Variants in ASNSD1 observed in about 807,000 individuals in gnomAD.
ASNSD1 encodes the protein asparagine synthetase domain-containing protein 1.
In ASNSD1, 36 loss-of-function variants were observed where a neutral mutation model predicts 48.3. The ratio of observed to expected loss-of-function variants is 0.75; its 90% CI spans 0.57 to 0.99. The LOEUF (loss-of-function observed/expected upper bound fraction) is 0.99. ASNSD1 is among the 50% of genes least tolerant of loss of function. The pLI is 0.00. For missense variants in ASNSD1, 714 were observed against 758.2 expected (o/e 0.94, Z 0.69); for synonymous variants, 257 against 262.1 (o/e 0.98, Z 0.19).
At position 189,667,354 on chromosome 2, in the gene ASNSD1, A is replaced by T. The variant is rs2032832348; in HGVS notation, c.1222A>T (p.Thr408Ser). 1 of 1,614,084 alleles carries T rather than the reference A, an allele frequency of 6.2e-7. No homozygotes were observed. The highest frequency in any genetic ancestry group is 1.3e-5 in the African/African-American group (1 of 74,938). ...NKHVSVPDRITGRAGLKELQA... is the reference protein window; with the variant it reads ...NKHVSVPDRISGRAGLKELQA... The stretch of plus-strand genomic sequence containing the variant: ...ACATGTCAGTGTACCAGATCGAATC[A>T]CAGGAAGGGCGGGACTAAAGGAACT... Residue 408 changes from threonine to serine, a missense_variant, in exon 4 of 6, where the codon ACA (threonine) becomes TCA (serine). Physicochemically the swap from Thr to Ser is moderately conservative, Grantham distance 58 (BLOSUM62 1). Transcript: ENST00000260952.
In ASNSD1 at chr2:189,670,497, A is replaced by G. The variant is rs1305819636; in HGVS notation, c.1703A>G (p.Glu568Gly). The G allele has an allele frequency of 6.2e-7, 1 of 1,613,032 alleles. No homozygotes were observed. Among genetic ancestry groups the G allele is most frequent in the Non-Finnish European group, 8.5e-7 (1 of 1,179,446 alleles). The change falls in exon 6 of 6, where the codon GAA (glutamate) becomes GGA (glycine). Residue 568 changes from glutamate to glycine, a missense_variant. Glu to Gly is a moderately conservative substitution (Grantham distance 98). Coordinates refer to ENST00000260952, the MANE Select transcript of ASNSD1 (RefSeq NM_019048.4). ...VSFLNSLPIW[E>G]KANLTLPRGI... is the part of the protein sequence containing the mutation. ...TTTCTAAATTCTCTGCCGATTTGGG[A>G]AAAAGCAAACTTGACTTTACCCCGA...
At chr2:189,662,176 T>C (rs1347737237) in intron 1 of ASNSD1, among the ~76,000 whole-genome samples, 11 of 152,152 alleles carry the variant, frequency 7.2e-5, no homozygotes, top group Non-Finnish European at 1.6e-4. Flanking sequence ...AGAGCAATGG[T>C]CCTAAAACAC....
chr2:189,666,449 C>T lies in ASNSD1; in HGVS notation c.317C>T (p.Ser106Phe). Residue 106 changes from serine to phenylalanine, a missense_variant, in exon 4 of 6, where the codon TCT (serine) becomes TTT (phenylalanine). Physicochemically the swap from Ser to Phe is radical, Grantham distance 155. Coordinates refer to ENST00000260952, the MANE Select transcript of ASNSD1 (RefSeq NM_019048.4). ...TATCTTTCCTCCTGTAAGAATGAATCTGAGATTTTGTCACTCTTCTCAGAA... is the reference window on the plus strand; with the variant it reads ...TATCTTTCCTCCTGTAAGAATGAATTTGAGATTTTGTCACTCTTCTCAGAA... ...FNYLSSCKNE[S>F]EILSLFSEVQ... is the part of the protein sequence containing the mutation. The T allele has an allele frequency of 6.2e-7, 1 of 1,613,816 alleles. No homozygotes were observed. The highest frequency in any genetic ancestry group is 8.5e-7 in the Non-Finnish European group (1 of 1,179,878).
At position 189,666,812 on chromosome 2, in the gene ASNSD1, C is replaced by G; in HGVS notation, c.680C>G (p.Ser227Ter). Residue 227 changes from serine (S) to a stop codon, truncating the protein, a stop_gained, in exon 4 of 6, where the codon TCA becomes TGA. Transcript: ENST00000260952. LOFTEE classifies it high-confidence loss of function. The stretch of plus-strand genomic sequence containing the variant: ...TCAGCAGACTTACCAGCATTTGTAT[C>G]AGTGGTAGCAAATGAAGCCAAACTG... ...QISADLPAFV[S>*]VVANEAKLYL... 1 of 1,614,018 alleles carries G rather than the reference C, an allele frequency of 6.2e-7. No individual in the cohort carries two copies. Among genetic ancestry groups the G allele is most frequent in the Non-Finnish European group, 8.5e-7 (1 of 1,179,922 alleles).
At position 189,667,273 on chromosome 2, in the gene ASNSD1, C is replaced by A. The variant is rs2032829713; in HGVS notation, c.1141C>A (p.Pro381Thr). The change falls in exon 4 of 6, where the codon CCT becomes ACT. Residue 381 changes from proline to threonine, a missense_variant. Pro to Thr is a conservative substitution (Grantham distance 38, BLOSUM62 -1). Transcript: ENST00000260952. ...GNKQKNKCEI[P>T]SEEFSKDVAA... ...TAAACAGAAAAATAAATGTGAAATA[C>A]CTTCAGAAGAATTCTCTAAAGATGT... 1 of 1,613,940 alleles carries A rather than the reference C, an allele frequency of 6.2e-7. No homozygotes were observed. Among genetic ancestry groups the A allele is most frequent in the African/African-American group, 1.3e-5 (1 of 74,894 alleles).
In ASNSD1 at chr2:189,666,695, T is replaced by C. The variant is rs2032813218; in HGVS notation, c.563T>C (p.Ile188Thr). The change falls in exon 4 of 6, where the codon ATT (isoleucine) becomes ACT (threonine). Residue 188 changes from isoleucine to threonine, a missense_variant. Coordinates refer to ENST00000260952, the MANE Select transcript of ASNSD1 (RefSeq NM_019048.4). ...AGAATTGATCTTAAGTCTACTGTCA[T>C]TTCCGGATGCATTATTTTACAACTG... ...LFRIDLKSTV[I>T]SGCIILQLYP... 6.2e-7 allele frequency: 1 copy of C among 1,613,002 alleles called. No homozygotes were observed. Among genetic ancestry groups the C allele is most frequent in the South Asian group, 1.1e-5 (1 of 91,042 alleles).
At chr2:189,669,687 G>A (rs2032889268) in intron 5 of ASNSD1, among the ~76,000 whole-genome samples, 2 of 152,060 alleles carry the variant, frequency 1.3e-5, no homozygotes, top group African/African-American at 4.8e-5. Context: ...TGGGATGGTG[G>A]GTGTTAAAGT....
chr2:189,667,941 G>A lies in ASNSD1; in HGVS notation c.1642G>A (p.Ala548Thr). Residue 548 changes from alanine (A) to threonine (T), a missense_variant, in exon 5 of 6, where the codon GCA (alanine) becomes ACA (threonine). Coordinates refer to ENST00000260952, the MANE Select transcript of ASNSD1 (RefSeq NM_019048.4). Reference protein sequence around the residue: ...DRVIGDHGKEARFPFLDENVV... With the variant: ...DRVIGDHGKETRFPFLDENVV... ...AGTTATTGGTGATCATGGAAAAGAA[G>A]CAAGGTAATTCTAATCATTTGAGTG... 1.2e-6 allele frequency: 2 copies of A among 1,609,112 alleles called. No individual in the cohort carries two copies. Among genetic ancestry groups the A allele is most frequent in the Non-Finnish European group, 1.7e-6 (2 of 1,178,240 alleles).
Position 189,670,687 on chromosome 2 carries a change from C to G in ASNSD1, c.1893C>G (p.Ser631=), listed in dbSNP as rs1268329631. ...SDKCGRLQIM[S]LENLSIEKET... Reference sequence around the variant, plus strand: ...AATGTGGACGGCTCCAAATCATGTCCTTAGAAAATCTTTCTATTGAAAAGG... The same window carrying G: ...AATGTGGACGGCTCCAAATCATGTCGTTAGAAAATCTTTCTATTGAAAAGG... The change falls in exon 6 of 6, where the codon TCC becomes TCG. Residue 631 remains serine (S), a synonymous_variant. Transcript: ENST00000260952. The G allele has an allele frequency of 6.9e-6, 11 of 1,600,654 alleles. No homozygotes were observed. The highest frequency in any genetic ancestry group is 9.4e-6 in the Non-Finnish European group (11 of 1,174,702).
Position 189,667,891 on chromosome 2 carries a change from C to G in ASNSD1, c.1592C>G (p.Ser531Cys). 6.2e-7 allele frequency: 1 copy of G among 1,613,920 alleles called. No individual in the cohort carries two copies. The highest frequency in any genetic ancestry group is 8.5e-7 in the Non-Finnish European group (1 of 1,179,974). Residue 531 changes from serine (S) to cysteine (C), a missense_variant, in exon 5 of 6, where the codon TCT (serine) becomes TGT (cysteine). Ser to Cys is a moderately radical substitution (Grantham distance 112, BLOSUM62 -1). Coordinates refer to ENST00000260952, the MANE Select transcript of ASNSD1 (RefSeq NM_019048.4). ...EIMMELGRIS[S>C]RNLGRDDRVI... ...ATGATGGAACTGGGTCGAATTTCTT[C>G]TAGAAATCTTGGTCGTGATGACAGA...
Position 189,666,610 on chromosome 2 carries a change from G to C in ASNSD1, c.478G>C (p.Gly160Arg). The C allele has an allele frequency of 6.2e-7, 1 of 1,614,050 alleles. No homozygotes were observed. The highest frequency in any genetic ancestry group is 8.5e-7 in the Non-Finnish European group (1 of 1,180,022). The change falls in exon 4 of 6, where the codon GGC becomes CGC. Residue 160 changes from glycine (G) to arginine (R), a missense_variant. Physicochemically the swap from Gly to Arg is moderately radical, Grantham distance 125 (BLOSUM62 -2). Coordinates refer to ENST00000260952, the MANE Select transcript of ASNSD1 (RefSeq NM_019048.4). ...CAAGAGTTTCTGCCTCTCTTCAGTT[G>C]GCACCCAAACATCTGGATTGGCAAA... ...LGKSFCLSSV[G>R]TQTSGLANQW... is the part of the protein sequence containing the mutation.
intron 1 of ASNSD1, 107 bp from the exon 2 acceptor site, chr2:189,663,794 T>A: frequency 8.7e-6 from 3 of 346,240 alleles, no homozygotes; most frequent in Non-Finnish European, 1.6e-5. Context: ...AACCAGTACA[T>A]CATAGCCCCT....
chr2:189,663,845 T>G, intron 1 of ASNSD1, 56 bp from the exon 2 acceptor site: 1 of 374,590 alleles, frequency 2.7e-6, no homozygotes, highest in East Asian at 3.7e-5. Flanking sequence ...TAAGGGATTT[T>G]CATTGAGCAT....
intron 2 of ASNSD1, among the ~76,000 whole-genome samples, chr2:189,664,332 A>C (rs574214420): frequency 1.3e-5 from 2 of 152,374 alleles, no homozygotes; most frequent in East Asian, 3.9e-4. Flanking sequence ...ATTATTGAAC[A>C]AAAAAGGATA....
chr2:189,663,464 G>T (rs1298871632), intron 1 of ASNSD1, among the ~76,000 whole-genome samples: 2 of 152,050 alleles, frequency 1.3e-5, no homozygotes, highest in Non-Finnish European at 2.9e-5. Context: ...TGTTGGTCAG[G>T]CTGGTCTCGA....
At chr2:189,665,766 C>T (rs1379412612) in intron 3 of ASNSD1, among the ~76,000 whole-genome samples, 1 of 151,442 alleles carries the variant, frequency 6.6e-6, no homozygotes, top group Non-Finnish European at 1.5e-5. Flanking sequence ...TACTTTAAGC[C>T]TCCAAGGTAT....
chr2:189,667,397 C>G lies in ASNSD1; in HGVS notation c.1265C>G (p.Ser422Cys). The G allele has an allele frequency of 6.2e-7, 1 of 1,614,152 alleles. No individual in the cohort carries two copies. Among genetic ancestry groups the G allele is most frequent in the Non-Finnish European group, 8.5e-7 (1 of 1,180,010 alleles). Residue 422 changes from serine to cysteine, a missense_variant, in exon 4 of 6, where the codon TCC (serine) becomes TGC (cysteine). Coordinates refer to ENST00000260952, the MANE Select transcript of ASNSD1 (RefSeq NM_019048.4). ...GLKELQAVSPSRIWNFVEINV... is the reference protein window; with the variant it reads ...GLKELQAVSPCRIWNFVEINV... ...AAGGAACTACAAGCTGTTAGCCCTT[C>G]CCGAATTTGGAATTTTGTTGAAATT... is the stretch of plus-strand genomic sequence containing the variant.
Position 189,667,386 on chromosome 2 carries a change from T to A in ASNSD1, c.1254T>A (p.Ala418=). ...TGRAGLKELQ[A]VSPSRIWNFV... is the part of the protein sequence containing the mutation. Reference sequence around the variant, plus strand: ...GGGCGGGACTAAAGGAACTACAAGCTGTTAGCCCTTCCCGAATTTGGAATT... The same window carrying A: ...GGGCGGGACTAAAGGAACTACAAGCAGTTAGCCCTTCCCGAATTTGGAATT... The change falls in exon 4 of 6, where the codon GCT becomes GCA. Residue 418 remains alanine, a synonymous_variant. Coordinates refer to ENST00000260952, the MANE Select transcript of ASNSD1 (RefSeq NM_019048.4). The A allele has an allele frequency of 6.2e-7, 1 of 1,614,226 alleles. No individual in the cohort carries two copies. Among genetic ancestry groups the A allele is most frequent in the Non-Finnish European group, 8.5e-7 (1 of 1,180,042 alleles).
At position 189,667,403 on chromosome 2, in the gene ASNSD1, T is replaced by C. The variant is rs149609177; in HGVS notation, c.1271T>C (p.Ile424Thr). The C allele has an allele frequency of 1.9e-4, 309 of 1,614,152 alleles. 4 individuals are homozygous for C. The African/African-American group carries it at 2.8e-3, about 15-fold the overall frequency. ...CTACAAGCTGTTAGCCCTTCCCGAA[T>C]TTGGAATTTTGTTGAAATTAATGTT... ...KELQAVSPSR[I>T]WNFVEINVSM... The change falls in exon 4 of 6, where the codon ATT (isoleucine) becomes ACT (threonine). Residue 424 changes from isoleucine to threonine, a missense_variant. Coordinates refer to ENST00000260952, the MANE Select transcript of ASNSD1 (RefSeq NM_019048.4).
Sources: gnomAD v4.1 joint callset for allele counts (sites outside exome capture counted in the v4.1 genomes callset) on GRCh38, gnomAD v4.1.1 for gene constraint, MANE v1.5 for transcripts, NCBI Gene and HGNC (gene_info 2026-07-23, HGNC 2026-07-21) for gene names.